The following PCSK2 variants were observed in gnomAD, a reference collection of about 807,000 sequenced individuals.
PCSK2 encodes the protein proprotein convertase subtilisin/kexin type 2.
PCSK2 carries 14 observed loss-of-function variants against 69.7 expected under a neutral mutation model. The ratio of observed to expected loss-of-function variants is 0.20; its 90% CI spans 0.13 to 0.31. The LOEUF is 0.31. PCSK2 is among the 10% of genes least tolerant of loss of function. The probability of loss-of-function intolerance (pLI) is 1.00; values close to 1 mark genes in which losing one functional copy is unlikely to be tolerated. For missense variants in PCSK2, 544 were observed against 842.5 expected, an observed-to-expected ratio of 0.65 and a Z score of 4.39; for synonymous variants, 307 against 320.7, an observed-to-expected ratio of 0.96 and a Z score of 0.46.
intron 8 of PCSK2, among the ~76,000 whole-genome samples, chr20:17,450,119 C>G (rs1309919000): frequency 1.4e-5 from 2 of 138,646 alleles, no homozygotes; most frequent in African/African-American, 2.7e-5. Flanking sequence ...GCTCCGCCCC[C>G]TGGGGTTCAC....
At chr20:17,433,785 T>TCTCTCTCTCTCTC (rs1555795275) in intron 7 of PCSK2, among the ~76,000 whole-genome samples, 3 of 40,802 alleles carry the variant, frequency 7.4e-5, no homozygotes, top group Non-Finnish European at 1.8e-4. Context: ...CTCCTTTGAT[T>TCTCTCTCTCTCTC]TCTCTCTCTC....
intron 2 of PCSK2, among the ~76,000 whole-genome samples, chr20:17,308,225 C>T (rs1174752066): frequency 4.6e-5 from 7 of 152,176 alleles, no homozygotes; most frequent in Admixed American, 4.6e-4. Context: ...ATGGGAAACC[C>T]ACTCCCCTGA....
chr20:17,250,086 G>A (rs1056331737), intron 1 of PCSK2, among the ~76,000 whole-genome samples: 7 of 152,172 alleles, frequency 4.6e-5, no homozygotes, highest in East Asian at 1.9e-4. Context: ...CAAAATTAAC[G>A]TCTTAGGTAA....
chr20:17,399,893 T>C (rs4538271), intron 5 of PCSK2, among the ~76,000 whole-genome samples: 100,857 of 151,988 alleles, frequency 0.66, 33,702 homozygotes, highest in Middle Eastern at 0.75. Context: ...TTAAATCCTA[T>C]TTCTATAAGG....
chr20:17,285,042 G>A (rs1298505848), intron 2 of PCSK2, among the ~76,000 whole-genome samples: 1 of 152,084 alleles, frequency 6.6e-6, no homozygotes, highest in Non-Finnish European at 1.5e-5. Context: ...GGAACAATGG[G>A]GATGCCAGTG....
chr20:17,386,372 C>A (rs936249560), intron 5 of PCSK2, among the ~76,000 whole-genome samples: 2 of 152,136 alleles, frequency 1.3e-5, no homozygotes, highest in South Asian at 2.1e-4. Flanking sequence ...AATGGAGAAG[C>A]AAAATGTATT....
At chr20:17,272,230 A>G (rs1200082200) in intron 2 of PCSK2, among the ~76,000 whole-genome samples, 3 of 152,132 alleles carry the variant, frequency 2.0e-5, no homozygotes, top group Non-Finnish European at 4.4e-5. Flanking sequence ...ACAATACATT[A>G]TAACATCCAG....
chr20:17,278,582 A>T (rs1988183057), intron 2 of PCSK2, among the ~76,000 whole-genome samples: 1 of 152,064 alleles, frequency 6.6e-6, no homozygotes. Context: ...GGGTGGGAGG[A>T]GAGGGGAGGG....
At chr20:17,320,760 A>C (rs2123130716) in intron 2 of PCSK2, among the ~76,000 whole-genome samples, 1 of 152,340 alleles carries the variant, frequency 6.6e-6, no homozygotes, top group South Asian at 2.1e-4. Context: ...CTAGTGAGTC[A>C]GAGAAAAGCC....
chr20:17,252,864 A>C lies in PCSK2; in HGVS notation c.178-7376A>C, dbSNP rs576831404. ...AACTAAAATGTCAATAAACATATGAAAAGATGCTCAAACTTTCAAAACAAT... is the reference window on the plus strand; with the variant it reads ...AACTAAAATGTCAATAAACATATGACAAGATGCTCAAACTTTCAAAACAAT... On this transcript the variant is annotated intron_variant, in intron 1 of 11. Coordinates refer to ENST00000262545, the MANE Select transcript of PCSK2 (RefSeq NM_002594.5). 4.6e-5 allele frequency among the ~76,000 whole-genome samples: 7 copies of C among 152,352 alleles called. No individual in the cohort carries two copies. The East Asian group carries it at 1.2e-3, about 25-fold the overall frequency.
At chr20:17,363,317 C>G (rs1369429644) in intron 4 of PCSK2, among the ~76,000 whole-genome samples, 2 of 152,206 alleles carry the variant, frequency 1.3e-5, no homozygotes, top group Non-Finnish European at 2.9e-5. Flanking sequence ...TATCTGCTGC[C>G]TTCACGTAGG....
rs373092588 is a variant in PCSK2, at chr20:17,461,700, T to A, written c.1203-3626T>A. ...CATTAGGAGGAAAATGTTAATTGGGTTCAGGGGAACTTGATGCTGTAAATA... is the reference window on the plus strand; with the variant it reads ...CATTAGGAGGAAAATGTTAATTGGGATCAGGGGAACTTGATGCTGTAAATA... On this transcript the variant is annotated intron_variant, in intron 10 of 11. Transcript: ENST00000262545. 2.6e-5 allele frequency among the ~76,000 whole-genome samples: 4 copies of A among 152,174 alleles called. No individual in the cohort carries two copies. In the East Asian group the frequency reaches 5.8e-4, roughly 22 times the overall value.
intron 2 of PCSK2, among the ~76,000 whole-genome samples, chr20:17,293,817 C>T (rs558570534): frequency 6.6e-6 from 1 of 152,160 alleles, no homozygotes; most frequent in African/African-American, 2.4e-5. Flanking sequence ...ATTGTTCAGC[C>T]CAACAAATGA....
At chr20:17,340,504 C>G (rs1312761399) in intron 2 of PCSK2, among the ~76,000 whole-genome samples, 2 of 152,164 alleles carry the variant, frequency 1.3e-5, no homozygotes, top group Admixed American at 6.5e-5. Flanking sequence ...CTTCTTGTCT[C>G]TATGATTCTT....
chr20:17,382,979 T>C (rs1052561653), intron 5 of PCSK2, among the ~76,000 whole-genome samples: 5 of 152,174 alleles, frequency 3.3e-5, no homozygotes, highest in Non-Finnish European at 2.9e-5. Context: ...GTTCTTAAGA[T>C]AGTCTGTGGT....
intron 5 of PCSK2, among the ~76,000 whole-genome samples, chr20:17,375,469 A>C (rs2030897680): frequency 6.6e-6 from 1 of 152,156 alleles, no homozygotes; most frequent in African/African-American, 2.4e-5. Context: ...CCCCCGAGGA[A>C]GCGGCATTTC....
At chr20:17,315,129 C>A (rs1989639171) in intron 2 of PCSK2, among the ~76,000 whole-genome samples, 1 of 152,196 alleles carries the variant, frequency 6.6e-6, no homozygotes, top group Non-Finnish European at 1.5e-5. Flanking sequence ...ACCGAGGAAC[C>A]AGGGCCTGGG....
chr20:17,370,036 A>G (rs1352019265), intron 5 of PCSK2, among the ~76,000 whole-genome samples: 1 of 152,216 alleles, frequency 6.6e-6, no homozygotes, highest in Admixed American at 6.5e-5. Flanking sequence ...CTTTTGACTC[A>G]GCAGTTCACA....
intron 2 of PCSK2, among the ~76,000 whole-genome samples, chr20:17,269,630 T>C (rs924424291): frequency 6.6e-6 from 1 of 152,162 alleles, no homozygotes; most frequent in African/African-American, 2.4e-5. Context: ...TAGTGTGCTT[T>C]AAAGCAGCAG....
Sources: gnomAD v4.1 joint callset for allele counts (sites outside exome capture counted in the v4.1 genomes callset) on GRCh38, gnomAD v4.1.1 for gene constraint, MANE v1.5 for transcripts, NCBI Gene and HGNC (gene_info 2026-07-23, HGNC 2026-07-21) for gene names.